Variants in CACNB2 observed in about 807,000 individuals in gnomAD.
CACNB2 encodes the protein calcium voltage-gated channel auxiliary subunit beta 2.
CACNB2 carries 42 observed loss-of-function variants against 73.3 expected under a neutral mutation model. The observed-to-expected ratio is 0.57, with a 90% CI of 0.45 to 0.74. The LOEUF (loss-of-function observed/expected upper bound fraction) is 0.74, where lower values mean the gene tolerates loss of function less well. Ranked by LOEUF, CACNB2 falls within the 30% of genes least tolerant of loss-of-function variation. CACNB2 has a pLI of 0.00. For synonymous variants in CACNB2, 348 were observed against 310.3 expected (o/e 1.12, Z -1.28); for missense variants, 940 against 853.0 (o/e 1.10, Z -1.27).
chr10:18,489,558 G>C (rs1489226419), intron 3 of CACNB2, among the ~76,000 whole-genome samples: 2 of 151,622 alleles, frequency 1.3e-5, no homozygotes, highest in Non-Finnish European at 2.9e-5. Context: ...CTACAAGCGT[G>C]TGCCACAGTG....
At chr10:18,230,259 A>G (rs1363112864) in intron 2 of CACNB2, among the ~76,000 whole-genome samples, 1 of 152,244 alleles carries the variant, frequency 6.6e-6, no homozygotes, top group Non-Finnish European at 1.5e-5. Flanking sequence ...AATCAAATCA[A>G]CAGCATACAT....
At chr10:18,305,029 A>G (rs1032360889) in intron 2 of CACNB2, among the ~76,000 whole-genome samples, 1 of 152,254 alleles carries the variant, frequency 6.6e-6, no homozygotes, top group African/African-American at 2.4e-5. Flanking sequence ...GTCTTATACA[A>G]GGAAGTAAAA....
intron 3 of CACNB2, among the ~76,000 whole-genome samples, chr10:18,464,418 T>TAAAATAAAAAAAAATAAAAAAAAA: frequency 1.2e-5 from 1 of 85,298 alleles, no homozygotes; most frequent in Middle Eastern, 6.3e-3. Context: ...TCTCAAAAAT[T>TAAAATAAAAAAAAATAAAAAAAAA]AAAAAAAAAA....
intron 2 of CACNB2, among the ~76,000 whole-genome samples, chr10:18,280,043 C>T (rs2038473691): frequency 6.6e-6 from 1 of 152,204 alleles, no homozygotes; most frequent in African/African-American, 2.4e-5. Context: ...CGCACTGCTG[C>T]ACTCCAGCCT....
intron 3 of CACNB2, among the ~76,000 whole-genome samples, chr10:18,488,179 A>G (rs1564608302): frequency 6.6e-6 from 1 of 151,810 alleles, no homozygotes; most frequent in Non-Finnish European, 1.5e-5. Flanking sequence ...CTAAATAAAT[A>G]AAAATAATGA....
intron 2 of CACNB2, among the ~76,000 whole-genome samples, chr10:18,165,052 G>A (rs1379099155): frequency 4.6e-5 from 7 of 152,156 alleles, no homozygotes; most frequent in Non-Finnish European, 4.4e-5. Flanking sequence ...ATGTACTCAT[G>A]ATGTGAAGTC....
intron 3 of CACNB2, among the ~76,000 whole-genome samples, chr10:18,442,222 T>C (rs1228736505): frequency 6.6e-6 from 1 of 152,060 alleles, no homozygotes; most frequent in East Asian, 2.0e-4. Context: ...CGATCTCTAC[T>C]CACTGCAACC....
At chr10:18,343,851 A>G (rs1017569110) in intron 2 of CACNB2, among the ~76,000 whole-genome samples, 2 of 152,152 alleles carry the variant, frequency 1.3e-5, no homozygotes, top group African/African-American at 2.4e-5. Context: ...ACTGTGTGCA[A>G]ATATTTCAGT....
chr10:18,320,648 C>G (rs561976288), intron 2 of CACNB2, among the ~76,000 whole-genome samples: 1 of 152,124 alleles, frequency 6.6e-6, no homozygotes, highest in South Asian at 2.1e-4. Flanking sequence ...GTCATCTCAT[C>G]TGTAGAATGG....
intron 2 of CACNB2, among the ~76,000 whole-genome samples, chr10:18,265,930 C>T (rs1344913138): frequency 6.6e-6 from 1 of 152,088 alleles, no homozygotes; most frequent in East Asian, 1.9e-4. Flanking sequence ...TAATAAATGA[C>T]TAGATACTGG....
chr10:18,355,655 G>A (rs906105245), intron 2 of CACNB2, among the ~76,000 whole-genome samples: 8 of 129,042 alleles, frequency 6.2e-5, no homozygotes, highest in African/African-American at 2.4e-4. Context: ...TTATTTTTTT[G>A]AGACAGAGTC....
intron 2 of CACNB2, among the ~76,000 whole-genome samples, chr10:18,395,258 T>G (rs1245231391): frequency 6.6e-6 from 1 of 152,220 alleles, no homozygotes; most frequent in Non-Finnish European, 1.5e-5. Flanking sequence ...ATGTTCTTTC[T>G]GCCCAGACAT....
intron 3 of CACNB2, among the ~76,000 whole-genome samples, chr10:18,444,483 A>T (rs1255560513): frequency 6.6e-6 from 1 of 152,216 alleles, no homozygotes; most frequent in Non-Finnish European, 1.5e-5. Context: ...CACAGATGAT[A>T]ATTCATTTAA....
chr10:18,378,765 G>A (rs183958234), intron 2 of CACNB2, among the ~76,000 whole-genome samples: 3 of 152,076 alleles, frequency 2.0e-5, no homozygotes, highest in Non-Finnish European at 1.5e-5. Flanking sequence ...TAGACTCCAC[G>A]GTGGCCTGAC....
intron 2 of CACNB2, among the ~76,000 whole-genome samples, chr10:18,241,550 T>C (rs1458395356): frequency 6.6e-6 from 1 of 151,750 alleles, no homozygotes; most frequent in Non-Finnish European, 1.5e-5. Flanking sequence ...AACCTGCATG[T>C]TATGTACATG....
intron 2 of CACNB2, among the ~76,000 whole-genome samples, chr10:18,177,789 C>T (rs867487523): frequency 6.6e-6 from 1 of 152,112 alleles, no homozygotes; most frequent in Admixed American, 6.6e-5. Context: ...TACATTTTAA[C>T]ATGTTACATA....
At chr10:18,293,870 C>T (rs750349248) in intron 2 of CACNB2, among the ~76,000 whole-genome samples, 2 of 152,174 alleles carry the variant, frequency 1.3e-5, no homozygotes, top group Non-Finnish European at 2.9e-5. Flanking sequence ...GACTTTAGGG[C>T]ATAGAGAGAG....
chr10:18,332,066 G>A (rs532594254), intron 2 of CACNB2, among the ~76,000 whole-genome samples: 5 of 152,166 alleles, frequency 3.3e-5, no homozygotes, highest in African/African-American at 4.8e-5. Flanking sequence ...GGGAGAGGAC[G>A]TCTGAGATGT....
intron 2 of CACNB2, among the ~76,000 whole-genome samples, chr10:18,248,877 ACT>A (rs1438794397): frequency 6.6e-6 from 1 of 151,742 alleles, no homozygotes; most frequent in Non-Finnish European, 1.5e-5. Context: ...CCTAAACCTG[ACT>A]CTCATTCACT....
Sources: gnomAD v4.1 joint callset for allele counts (sites outside exome capture counted in the v4.1 genomes callset) on GRCh38, gnomAD v4.1.1 for gene constraint, MANE v1.5 for transcripts, NCBI Gene and HGNC (gene_info 2026-07-23, HGNC 2026-07-21) for gene names.